Variants in TMEM132B observed in about 807,000 individuals in gnomAD.
The protein encoded by TMEM132B is transmembrane protein 132B.
Under a neutral mutation model 90.8 loss-of-function variants are expected in TMEM132B, and 18 were observed. The observed-to-expected ratio is 0.20, with a 90% CI of 0.14 to 0.29. The LOEUF (loss-of-function observed/expected upper bound fraction) is 0.29. Among genes scored for constraint, TMEM132B ranks in the 10% least tolerant of loss-of-function variants. TMEM132B has a pLI of 1.00. For synonymous variants in TMEM132B, 504 were observed against 523.3 expected (o/e 0.96, Z 0.50); for missense variants, 1,096 against 1,326.8 (o/e 0.83, Z 2.70).
chr12:125,313,889 A>G (rs1876184774), intron 1 of TMEM132B, among the ~76,000 whole-genome samples: 1 of 151,370 alleles, frequency 6.6e-6, no homozygotes, highest in African/African-American at 2.4e-5. Context: ...CGGGCCCCGC[A>G]TATGACCTAG....
chr12:125,419,720 A>T (rs925555887), intron 3 of TMEM132B, among the ~76,000 whole-genome samples: 1 of 152,234 alleles, frequency 6.6e-6, no homozygotes, highest in Non-Finnish European at 1.5e-5. Flanking sequence ...TCACTTCAGC[A>T]TTAACTCAAA....
chr12:125,306,699 G>T (rs186143968), intron 1 of TMEM132B, among the ~76,000 whole-genome samples: 6 of 152,260 alleles, frequency 3.9e-5, no homozygotes, highest in Non-Finnish European at 7.4e-5. Context: ...CCATTGCAGT[G>T]GCCTCCTCCT....
intron 7 of TMEM132B, among the ~76,000 whole-genome samples, chr12:125,652,090 G>C (rs1191093019): frequency 6.6e-6 from 1 of 152,334 alleles, no homozygotes; most frequent in East Asian, 1.9e-4. Flanking sequence ...TTTAAGGCCA[G>C]CTGTGCCATT....
At chr12:125,317,377 A>G (rs112379555) in intron 1 of TMEM132B, among the ~76,000 whole-genome samples, 3 of 152,244 alleles carry the variant, frequency 2.0e-5, no homozygotes, top group African/African-American at 7.2e-5. Context: ...TCCCCTGCCC[A>G]TCAGTCTCTG....
chr12:125,569,385 C>G (rs942128076), intron 4 of TMEM132B, among the ~76,000 whole-genome samples: 61 of 152,142 alleles, frequency 4.0e-4, no homozygotes, highest in Non-Finnish European at 1.0e-4. Flanking sequence ...GAGTTCAGTG[C>G]CCGTCACAGT....
intron 3 of TMEM132B, among the ~76,000 whole-genome samples, chr12:125,474,869 A>G (rs1016044750): frequency 1.3e-5 from 2 of 152,232 alleles, no homozygotes; most frequent in African/African-American, 2.4e-5. Context: ...GAGGGCTGCC[A>G]TCAGCTCCAG....
chr12:125,563,704 C>T (rs1884598373), intron 4 of TMEM132B, among the ~76,000 whole-genome samples: 2 of 152,118 alleles, frequency 1.3e-5, no homozygotes, highest in African/African-American at 2.4e-5. Context: ...AGAGGTCATC[C>T]TGCATTTATG....
At chr12:125,578,317 T>C (rs1307513318) in intron 4 of TMEM132B, among the ~76,000 whole-genome samples, 1 of 152,166 alleles carries the variant, frequency 6.6e-6, no homozygotes, top group Non-Finnish European at 1.5e-5. Context: ...ATTGTTATAT[T>C]TTCTTGTTGA....
chr12:125,326,503 C>A, intron 1 of TMEM132B: 3 of 1,166,534 alleles, frequency 2.6e-6, no homozygotes, highest in Non-Finnish European at 3.7e-6. Context: ...GTCCTGGCAA[C>A]CTGTATAGTA....
chr12:125,309,564 A>G (rs1004932237), intron 1 of TMEM132B, among the ~76,000 whole-genome samples: 1 of 151,296 alleles, frequency 6.6e-6, no homozygotes, highest in African/African-American at 2.4e-5. Flanking sequence ...TGGAATTTCC[A>G]TTCTCGGGGG....
In TMEM132B at chr12:125,332,548, C is replaced by T. The variant is rs1286854673; in HGVS notation, c.68-16904C>T. On this transcript the variant is annotated intron_variant, in intron 1 of 8. Coordinates refer to ENST00000682704, the MANE Select transcript of TMEM132B (RefSeq NM_001366854.1). Reference sequence around the variant, plus strand: ...CTGCACTTTCTGCGTCACGGGGACCCTTATGTCATCTGAGAAATTAATTCA... The same window carrying T: ...CTGCACTTTCTGCGTCACGGGGACCTTTATGTCATCTGAGAAATTAATTCA... 4.8e-5 allele frequency among the ~76,000 whole-genome samples: 7 copies of T among 146,272 alleles called. No individual in the cohort carries two copies. In the Admixed American group the frequency reaches 4.8e-4, roughly 10 times the overall value.
At chr12:125,236,594 T>G (rs1323106932) in intron 1 of TMEM132B, among the ~76,000 whole-genome samples, 1 of 152,214 alleles carries the variant, frequency 6.6e-6, no homozygotes, top group African/African-American at 2.4e-5. Context: ...GCATCATGTC[T>G]CTTGTCTGTA....
chr12:125,468,241 T>C (rs1292530087), intron 3 of TMEM132B, among the ~76,000 whole-genome samples: 2 of 151,772 alleles, frequency 1.3e-5, no homozygotes, highest in Non-Finnish European at 2.9e-5. Context: ...GTAGGAAGGT[T>C]CCAATTTCTC....
At chr12:125,545,534 C>T (rs892295630) in intron 4 of TMEM132B, among the ~76,000 whole-genome samples, 4 of 152,214 alleles carry the variant, frequency 2.6e-5, no homozygotes, top group Non-Finnish European at 5.9e-5. Flanking sequence ...GCCACACAGA[C>T]ACGAGATTTG....
rs1431914968 is a variant in TMEM132B, at chr12:125,306,767, A to G, written c.68-42685A>G. Among the ~76,000 whole-genome samples the G allele has an allele frequency of 2.6e-5, 4 of 152,194 alleles. No homozygotes were observed. The South Asian group carries it at 6.2e-4, about 24-fold the overall frequency. On this transcript the variant is annotated intron_variant, in intron 1 of 8. Transcript: ENST00000682704. ...ACCAAAGCAGCTTTGCTGCATGTCA[A>G]TTGCACCATGTTCTTCCTCTGCTCA... is the stretch of plus-strand genomic sequence containing the variant.
At chr12:125,343,572 A>G (rs751691834) in intron 1 of TMEM132B, among the ~76,000 whole-genome samples, 5 of 152,252 alleles carry the variant, frequency 3.3e-5, no homozygotes, top group Non-Finnish European at 5.9e-5. Flanking sequence ...GGAATTGGAT[A>G]GAGCTGGTAT....
At chr12:125,565,784 G>T (rs1024266272) in intron 4 of TMEM132B, among the ~76,000 whole-genome samples, 1 of 152,144 alleles carries the variant, frequency 6.6e-6, no homozygotes, top group Non-Finnish European at 1.5e-5. Context: ...TCTTCCTGGA[G>T]CCAGGGGTTT....
chr12:125,219,976 G>A (rs759787927), intron 1 of TMEM132B, among the ~76,000 whole-genome samples: 11 of 151,980 alleles, frequency 7.2e-5, no homozygotes, highest in East Asian at 1.9e-4. Context: ...AGTATTTGCC[G>A]TAAGTATTTA....
Position 125,375,431 on chromosome 12 carries a change from G to C in TMEM132B, c.959+25088G>C, listed in dbSNP as rs968720519. Among the ~76,000 whole-genome samples the C allele has an allele frequency of 1.3e-4, 20 of 152,312 alleles. 1 individual carries two copies. The highest frequency in any genetic ancestry group is 4.6e-4 in the African/African-American group (19 of 41,568). On this transcript the variant is annotated intron_variant, in intron 2 of 8. Transcript: ENST00000682704. ...TGACAGCAAAGAGATACATTTTGTC[G>C]CTAAAGGACAAATGTTTTTGGAGTT...
Sources: allele counts gnomAD v4.1 joint callset (sites outside exome capture counted in the v4.1 genomes callset), GRCh38; gene constraint gnomAD v4.1.1; transcripts MANE v1.5; gene names NCBI Gene and HGNC (gene_info 2026-07-23, HGNC 2026-07-21).